Variants in PHACTR3 observed in about 807,000 individuals in gnomAD.
The protein encoded by PHACTR3 is protein phosphatase 1, regulatory subunit 123.
In PHACTR3, 16 loss-of-function variants were observed where a neutral mutation model predicts 66.8. That is an observed-to-expected ratio of 0.24 (90% CI 0.16 to 0.36). The LOEUF is 0.36. Among genes scored for constraint, PHACTR3 ranks in the 10% least tolerant of loss-of-function variants. The pLI, the probability that PHACTR3 is intolerant of heterozygous loss-of-function variation, is 1.00. For missense variants in PHACTR3, 647 were observed against 719.9 expected, an observed-to-expected ratio of 0.90 and a Z score of 1.16; for synonymous variants, 323 against 292.1, an observed-to-expected ratio of 1.11 and a Z score of -1.08.
chr20:59,740,927 C>G (rs1221351049), intron 1 of PHACTR3, among the ~76,000 whole-genome samples: 4 of 152,240 alleles, frequency 2.6e-5, no homozygotes, highest in Non-Finnish European at 5.9e-5. Flanking sequence ...TCCTGGGCCT[C>G]CTTGGGGCAG....
chr20:59,827,861 G>A (rs2042239455), intron 8 of PHACTR3, among the ~76,000 whole-genome samples: 1 of 152,176 alleles, frequency 6.6e-6, no homozygotes, highest in South Asian at 2.1e-4. Context: ...TCCTGGTGGA[G>A]TTGAAGTTGC....
At chr20:59,840,269 A>T in intron 9 of PHACTR3, 100 bp from the exon 10 acceptor site, 1 of 1,490,912 alleles carries the variant, frequency 6.7e-7, no homozygotes, top group Non-Finnish European at 8.9e-7. Context: ...TTCAGCTCCC[A>T]GAAATATGGA....
At chr20:59,725,809 G>A (rs559095708) in intron 1 of PHACTR3, among the ~76,000 whole-genome samples, 1 of 152,304 alleles carries the variant, frequency 6.6e-6, no homozygotes, top group South Asian at 2.1e-4. Flanking sequence ...CCAGTCATTG[G>A]CTCTCGGCTC....
intron 1 of PHACTR3, among the ~76,000 whole-genome samples, chr20:59,620,567 T>G (rs2034192930): frequency 6.6e-6 from 1 of 152,220 alleles, no homozygotes; most frequent in African/African-American, 2.4e-5. Flanking sequence ...TCCTTCTTTT[T>G]AAATCGAGTA....
At chr20:59,644,046 C>T (rs1387647131) in intron 1 of PHACTR3, among the ~76,000 whole-genome samples, 1 of 152,190 alleles carries the variant, frequency 6.6e-6, no homozygotes, top group Non-Finnish European at 1.5e-5. Context: ...GTAACCCCTG[C>T]CTGCATCCGT....
chr20:59,578,086 G>A (rs1205511438), intron 1 of PHACTR3, among the ~76,000 whole-genome samples: 1 of 152,248 alleles, frequency 6.6e-6, no homozygotes, highest in Non-Finnish European at 1.5e-5. Flanking sequence ...GGAGGGCCAT[G>A]GGCCTCCACC....
chr20:59,686,081 AC>A (rs546468109), intron 1 of PHACTR3, among the ~76,000 whole-genome samples: 60 of 152,272 alleles, frequency 3.9e-4, no homozygotes, highest in African/African-American at 1.4e-3. Flanking sequence ...TTCCAATGTG[AC>A]GGTTTTCCTT....
intron 1 of PHACTR3, among the ~76,000 whole-genome samples, chr20:59,707,457 C>T (rs929627229): frequency 8.0e-5 from 8 of 100,404 alleles, no homozygotes; most frequent in East Asian, 3.0e-4. Context: ...TGCTCCCACT[C>T]TTTTTTTTTT....
chr20:59,589,760 T>A (rs2033137105), intron 1 of PHACTR3, among the ~76,000 whole-genome samples: 1 of 152,218 alleles, frequency 6.6e-6, no homozygotes. Context: ...GGGGCATTAT[T>A]TAAACATGAA....
intron 9 of PHACTR3, among the ~76,000 whole-genome samples, chr20:59,838,339 C>A (rs2059000236): frequency 6.6e-6 from 1 of 152,144 alleles, no homozygotes; most frequent in Admixed American, 6.5e-5. Context: ...ATTGTATTTT[C>A]TTCTTGTAAC....
At chr20:59,621,370 G>A (rs1271049403) in intron 1 of PHACTR3, among the ~76,000 whole-genome samples, 1 of 152,260 alleles carries the variant, frequency 6.6e-6, no homozygotes, top group Admixed American at 6.5e-5. Flanking sequence ...CTATGAGTCG[G>A]ACCCCACACA....
At chr20:59,814,682 C>T (rs940178711) in intron 8 of PHACTR3, among the ~76,000 whole-genome samples, 1 of 152,142 alleles carries the variant, frequency 6.6e-6, no homozygotes. Flanking sequence ...CACACTTGGA[C>T]AGAAGGGAGT....
intron 1 of PHACTR3, among the ~76,000 whole-genome samples, chr20:59,684,187 C>T (rs913389359): frequency 1.3e-5 from 2 of 152,148 alleles, no homozygotes; most frequent in African/African-American, 4.8e-5. Context: ...CTCACTGGGG[C>T]TCATATCTTT....
chr20:59,818,773 G>A (rs986831783), intron 8 of PHACTR3, among the ~76,000 whole-genome samples: 6 of 152,034 alleles, frequency 3.9e-5, no homozygotes, highest in Middle Eastern at 3.2e-3. Context: ...CTTCTGCTTC[G>A]GCATCTTTTC....
chr20:59,785,560 C>A (rs864183), intron 7 of PHACTR3, among the ~76,000 whole-genome samples: 147,228 of 152,250 alleles, frequency 0.97, 71,207 homozygotes, highest in East Asian at 1. Flanking sequence ...CCCCTGGCTG[C>A]AAGAGAAAGC....
chr20:59,738,042 G>A lies in PHACTR3; in HGVS notation c.119-5065G>A, dbSNP rs1242612843. On this transcript the variant is annotated intron_variant, in intron 1 of 12. Transcript: ENST00000371015. The surrounding 1 kb of genome is among the most constrained non-coding windows in gnomAD (Gnocchi z 4.4). ...TAAAATAGTGCAGGTAGTGACGGTG[G>A]TCCTGGCAGTGATGGTGGTAGGGAG... Among the ~76,000 whole-genome samples, 1 of 152,136 alleles carries A rather than the reference G, an allele frequency of 6.6e-6. No homozygotes were observed. Among genetic ancestry groups the A allele is most frequent in the Non-Finnish European group, 1.5e-5 (1 of 68,022 alleles).
intron 1 of PHACTR3, among the ~76,000 whole-genome samples, chr20:59,704,033 A>G (rs1355818597): frequency 6.6e-6 from 1 of 152,174 alleles, no homozygotes; most frequent in Non-Finnish European, 1.5e-5. Context: ...ATCTTCATTC[A>G]TTTCTTTACA....
At chr20:59,840,465 G>A (rs1419551247) in intron 10 of PHACTR3, 35 bp downstream of exon 10, 2 of 1,610,526 alleles carry the variant, frequency 1.2e-6, no homozygotes, top group Admixed American at 1.7e-5. Context: ...AATAATAAAA[G>A]GTGGTCTAGA....
intron 1 of PHACTR3, among the ~76,000 whole-genome samples, chr20:59,694,187 C>G (rs1373855747): frequency 6.6e-6 from 1 of 152,154 alleles, no homozygotes; most frequent in African/African-American, 2.4e-5. Flanking sequence ...GGCTTTCTAC[C>G]TTGTCATGAA....
Sources: allele counts gnomAD v4.1 joint callset (sites outside exome capture counted in the v4.1 genomes callset), GRCh38; gene constraint gnomAD v4.1.1; non-coding constraint Gnocchi (gnomAD v3.1); transcripts MANE v1.5; gene names NCBI Gene and HGNC (gene_info 2026-07-23, HGNC 2026-07-21).